GALNT14: variants seen among roughly 807,000 people sequenced by gnomAD.
The protein encoded by GALNT14 is UDP-GalNAc:polypeptide N-acetylgalactosaminyltransferase 14.
A neutral mutation model predicts 77.5 loss-of-function variants in GALNT14; 60 were observed. The observed-to-expected ratio is 0.77, with a 90% CI of 0.63 to 0.96. The LOEUF is 0.96. GALNT14 is among the 40% of genes least tolerant of loss of function. The probability of loss-of-function intolerance (pLI) is 0.00; values close to 1 mark genes in which losing one functional copy is unlikely to be tolerated. For synonymous variants in GALNT14, 280 were observed against 281.7 expected (o/e 0.99, Z 0.06); for missense variants, 710 against 731.0 (o/e 0.97, Z 0.33).
At chr2:30,979,026 TC>T (rs1287297393) in intron 2 of GALNT14, among the ~76,000 whole-genome samples, 1 of 152,172 alleles carries the variant, frequency 6.6e-6, no homozygotes, top group African/African-American at 2.4e-5. Flanking sequence ...GAGGCCTGAA[TC>T]CTCACAGCAC....
At chr2:31,068,125 C>T (rs1270019433) in intron 1 of GALNT14, among the ~76,000 whole-genome samples, 1 of 152,162 alleles carries the variant, frequency 6.6e-6, no homozygotes, top group Non-Finnish European at 1.5e-5. Context: ...GGTCAGAACC[C>T]TGGAGCCCAG....
At chr2:30,887,117 AT>A in the GALNT14 span, among the ~76,000 whole-genome samples, 2 of 152,210 alleles carry the variant, frequency 1.3e-5, no homozygotes, top group Non-Finnish European at 2.9e-5. Context: ...TTGTTTATCC[AT>A]TCTTCCATTG....
intron 2 of GALNT14, among the ~76,000 whole-genome samples, chr2:30,981,739 C>T (rs1558463895): frequency 6.6e-6 from 1 of 152,020 alleles, no homozygotes; most frequent in African/African-American, 2.4e-5. Context: ...AGCCAGTTTC[C>T]GCATGCTTTT....
chr2:31,013,643 C>T (rs899999111), intron 1 of GALNT14, among the ~76,000 whole-genome samples: 4 of 152,208 alleles, frequency 2.6e-5, no homozygotes, highest in Non-Finnish European at 5.9e-5. Flanking sequence ...CACCTATGAG[C>T]CCATTTTGAA....
chr2:30,919,694 G>C (rs772785858), intron 13 of GALNT14, among the ~76,000 whole-genome samples: 20 of 152,214 alleles, frequency 1.3e-4, no homozygotes, highest in Non-Finnish European at 2.6e-4. Context: ...TCCTCTGAGG[G>C]TAGACTATAT....
At chr2:31,100,764 G>C (rs1295605985) in intron 1 of GALNT14, among the ~76,000 whole-genome samples, 3 of 151,506 alleles carry the variant, frequency 2.0e-5, no homozygotes, top group Non-Finnish European at 2.9e-5. Context: ...GTTACGTCCT[G>C]ATAAACCCAT....
At chr2:31,067,674 G>C (rs1452140359) in intron 1 of GALNT14, among the ~76,000 whole-genome samples, 2 of 152,138 alleles carry the variant, frequency 1.3e-5, no homozygotes, top group Admixed American at 6.5e-5. Context: ...TTAAGAGTTG[G>C]AGCCAACTTG....
Position 31,079,551 on chromosome 2 carries a change from C to G in GALNT14, c.129+58407G>C, listed in dbSNP as rs79776745. ...CTAAGTCAAAACGGTAGTTGAACAG[C>G]ATGCTTTTTGCAAGTGGTTATGATT... On this transcript the variant is annotated intron_variant, in intron 1 of 14. Transcript: ENST00000349752. 7.4e-3 allele frequency among the ~76,000 whole-genome samples: 1,132 copies of G among 152,246 alleles called. 19 individuals carry two copies. Among genetic ancestry groups the G allele is most frequent in the African/African-American group, 0.026 (1,090 of 41,538 alleles).
chr2:31,002,657 C>T (rs1023687284), intron 1 of GALNT14, among the ~76,000 whole-genome samples: 2 of 152,276 alleles, frequency 1.3e-5, no homozygotes, highest in Middle Eastern at 3.4e-3. Context: ...GAGAGGGAGA[C>T]GGTGCAACAT....
chr2:30,955,677 C>T lies in GALNT14; in HGVS notation c.595G>A (p.Asp199Asn), dbSNP rs1200060315. 8 of 1,614,202 alleles carry T rather than the reference C, an allele frequency of 5.0e-6. No homozygotes were observed. The highest frequency in any genetic ancestry group is 6.8e-6 in the Non-Finnish European group (8 of 1,180,038). The part of the protein sequence containing the change: ...IAQGTTLTFL[D>N]SHCEVNRDWL... ...TCCCTGTTCACCTCACAGTGGCTGT[C>T]GAGGAAAGTCAGAGTGGTGCCCTGG... Residue 199 changes from aspartate to asparagine, a missense_variant, in exon 6 of 15, where the codon GAC becomes AAC. Coordinates refer to ENST00000349752, the MANE Select transcript of GALNT14 (RefSeq NM_024572.4).
chr2:31,004,114 C>T (rs1360182470), intron 1 of GALNT14, among the ~76,000 whole-genome samples: 1 of 152,214 alleles, frequency 6.6e-6, no homozygotes, highest in Non-Finnish European at 1.5e-5. Context: ...CTGGTCCTAC[C>T]CACACGCTTT....
intron 1 of GALNT14, among the ~76,000 whole-genome samples, chr2:31,010,256 G>A (rs1670935202): frequency 6.6e-6 from 1 of 152,128 alleles, no homozygotes. Context: ...CCAAAGTGCT[G>A]GGATTACAGG....
rs74563420 is a variant in GALNT14, at chr2:31,023,231, C to T, written c.130-30224G>A. The stretch of plus-strand genomic sequence containing the variant: ...CCAAAATTGAGAATGGTGAATATCT[C>T]AATTTTCTCTGGAGTAAAGTTTCCA... On this transcript the variant is annotated intron_variant, in intron 1 of 14. Transcript: ENST00000349752. Among the ~76,000 whole-genome samples, 330 of 152,176 alleles carry T rather than the reference C, an allele frequency of 2.2e-3. 1 individual carries two copies. Among genetic ancestry groups the T allele is most frequent in the African/African-American group, 7.6e-3 (317 of 41,528 alleles).
intron 1 of GALNT14, among the ~76,000 whole-genome samples, chr2:30,996,034 C>T (rs888880662): frequency 6.6e-6 from 1 of 152,098 alleles, no homozygotes; most frequent in Admixed American, 6.5e-5. Context: ...TCTTTTCAGA[C>T]CTTCAGTGAA....
At chr2:31,114,577 C>A (rs927478966) in intron 1 of GALNT14, among the ~76,000 whole-genome samples, 2 of 152,088 alleles carry the variant, frequency 1.3e-5, no homozygotes, top group Non-Finnish European at 2.9e-5. Context: ...AATACACACA[C>A]GCACACACAA....
chr2:31,009,598 A>T (rs1262114924), intron 1 of GALNT14, among the ~76,000 whole-genome samples: 13 of 152,140 alleles, frequency 8.5e-5, no homozygotes, highest in Admixed American at 8.5e-4. Flanking sequence ...TATCAAAAAA[A>T]CGCCTACTGG....
At chr2:31,006,383 AG>A (rs1670675835) in intron 1 of GALNT14, among the ~76,000 whole-genome samples, 1 of 152,126 alleles carries the variant, frequency 6.6e-6, no homozygotes, top group African/African-American at 2.4e-5. Context: ...ACTACACACC[AG>A]GCTCTATCCT....
Position 31,069,406 on chromosome 2 carries a change from G to A in GALNT14, c.129+68552C>T, listed in dbSNP as rs545484158. Among the ~76,000 whole-genome samples, 17 of 152,308 alleles carry A rather than the reference G, an allele frequency of 1.1e-4. No homozygotes were observed. In the South Asian group the frequency reaches 2.7e-3, roughly 24 times the overall value. On this transcript the variant is annotated intron_variant, in intron 1 of 14. Coordinates refer to ENST00000349752, the MANE Select transcript of GALNT14 (RefSeq NM_024572.4). ...TTATCATTTATTGCATCCCTGTTAC[G>A]TAGTAAGCACTTTGCTTGTATTTCC...
At chr2:30,900,211 C>T in the GALNT14 span, among the ~76,000 whole-genome samples, 5 of 152,170 alleles carry the variant, frequency 3.3e-5, no homozygotes, top group Non-Finnish European at 7.3e-5. Flanking sequence ...CCCCTCAACC[C>T]TTCCATCACC....
Sources: gnomAD v4.1 joint callset for allele counts (sites outside exome capture counted in the v4.1 genomes callset) on GRCh38, gnomAD v4.1.1 for gene constraint, MANE v1.5 for transcripts, NCBI Gene and HGNC (gene_info 2026-07-23, HGNC 2026-07-21) for gene names.